EDDM3A: variants seen among roughly 807,000 people sequenced by gnomAD.
EDDM3A encodes the protein epididymal secretory protein E3-alpha.
For synonymous variants in EDDM3A, 75 were observed against 60.4 expected, an observed-to-expected ratio of 1.24 and a Z score of -1.12; for missense variants, 199 against 177.4, an observed-to-expected ratio of 1.12 and a Z score of -0.69.
chr14:20,747,591 C>T lies in EDDM3A; in HGVS notation c.11C>T (p.Ser4Phe), dbSNP rs1181608792. The T allele has an allele frequency of 1.2e-6, 2 of 1,602,866 alleles. No individual in the cohort carries two copies. The highest frequency in any genetic ancestry group is 1.3e-5 in the African/African-American group (1 of 74,406). MTS[S>F]LKIWGILLAL... Reference sequence around the variant, plus strand: ...GACGTGGTGACTGAGATGACATCCTCTCTAAAGATTTGGGGCATACTCTTG... The same window carrying T: ...GACGTGGTGACTGAGATGACATCCTTTCTAAAGATTTGGGGCATACTCTTG... The change falls in exon 2 of 2, where the codon TCT becomes TTT. Residue 4 changes from serine (S) to phenylalanine (F), a missense_variant. Ser to Phe is a radical substitution (Grantham distance 155). Transcript: ENST00000326842.
chr14:20,741,107 T>C (rs1877423595), upstream of EDDM3A, among the ~76,000 whole-genome samples: 1 of 152,192 alleles, frequency 6.6e-6, no homozygotes, highest in South Asian at 2.1e-4. Context: ...CTATATCCCA[T>C]AATCCTACCT....
the EDDM3A span, among the ~76,000 whole-genome samples, chr14:20,738,013 C>T: frequency 2.0e-4 from 30 of 152,268 alleles, no homozygotes; most frequent in South Asian, 6.2e-4. Flanking sequence ...GAGGTGACTG[C>T]GCACTTTTTT....
upstream of EDDM3A, among the ~76,000 whole-genome samples, chr14:20,743,940 A>ATTTT (rs72521754): frequency 1.3e-5 from 2 of 151,656 alleles, no homozygotes; most frequent in African/African-American, 4.8e-5. Flanking sequence ...GGAGTCCATG[A>ATTTT]TTTTTTTTCC....
At chr14:20,747,220 C>T (rs967761908) in intron 1 of EDDM3A, among the ~76,000 whole-genome samples, 2 of 151,394 alleles carry the variant, frequency 1.3e-5, no homozygotes, top group Admixed American at 6.6e-5. Context: ...TCTCCTGCCT[C>T]AGCCTCTCGA....
rs1360515545 is a variant in EDDM3A at position 20,748,293 on chromosome 14, C to A, written c.*269C>A. The A allele has an allele frequency of 3.0e-6, 1 of 333,814 alleles. No homozygotes were observed. Among genetic ancestry groups the A allele is most frequent in the Non-Finnish European group, 5.7e-6 (1 of 174,356 alleles). The allele number at this position is 333,814 out of a possible 1,614,324, so 20.7% of individuals were successfully genotyped here. A position where few individuals can be genotyped will look rare whatever the true frequency, so the allele number is the denominator to read the frequency against. ...CATATGGCATCTGTCCTCGACTAACCTAAGACTTTCCTGATATTGACTCTC... is the reference window on the plus strand; with the variant it reads ...CATATGGCATCTGTCCTCGACTAACATAAGACTTTCCTGATATTGACTCTC... On this transcript the variant is annotated 3_prime_UTR_variant, in exon 2 of 2. Coordinates refer to ENST00000326842, the MANE Select transcript of EDDM3A (RefSeq NM_006683.5).
upstream of EDDM3A, among the ~76,000 whole-genome samples, chr14:20,745,070 C>CA (rs1049788602): frequency 2.0e-5 from 3 of 151,890 alleles, no homozygotes; most frequent in African/African-American, 7.3e-5. Flanking sequence ...AAAATTAATA[C>CA]AAAAAACTAG....
At position 20,747,794 on chromosome 14, in the gene EDDM3A, T is replaced by C. The variant is rs779828528; in HGVS notation, c.214T>C (p.Leu72=). The change falls in exon 2 of 2, where the codon TTA becomes CTA. Residue 72 remains leucine (L), a synonymous_variant. Coordinates refer to ENST00000326842, the MANE Select transcript of EDDM3A (RefSeq NM_006683.5). ...GKSFHMFIYS[L]WFKIQRACIN... ...GAGCTTTCATATGTTCATCTATAGCTTATGGTTCAAAATTCAGCGTGCATG... is the reference window on the plus strand; with the variant it reads ...GAGCTTTCATATGTTCATCTATAGCCTATGGTTCAAAATTCAGCGTGCATG... 1 of 1,614,042 alleles carries C rather than the reference T, an allele frequency of 6.2e-7. No homozygotes were observed. Among genetic ancestry groups the C allele is most frequent in the Non-Finnish European group, 8.5e-7 (1 of 1,180,034 alleles).
At chr14:20,743,996 C>T (rs543328709), upstream of EDDM3A, among the ~76,000 whole-genome samples, 10 of 152,208 alleles carry the variant, frequency 6.6e-5, no homozygotes, top group African/African-American at 2.2e-4. Context: ...CTGGCTCATA[C>T]ATTGGCTCAG....
chr14:20,741,662 A>G (rs1051184827), upstream of EDDM3A, among the ~76,000 whole-genome samples: 1 of 152,168 alleles, frequency 6.6e-6, no homozygotes, highest in Non-Finnish European at 1.5e-5. Flanking sequence ...TAATGGGAAA[A>G]TCAATTTCCA....
chr14:20,744,303 C>T (rs1354285545), upstream of EDDM3A, among the ~76,000 whole-genome samples: 1 of 152,200 alleles, frequency 6.6e-6, no homozygotes, highest in Non-Finnish European at 1.5e-5. Flanking sequence ...TCAAGGACTG[C>T]TTCACAGGAG....
chr14:20,737,648 A>C, the EDDM3A span, among the ~76,000 whole-genome samples: 2 of 152,206 alleles, frequency 1.3e-5, no homozygotes, highest in African/African-American at 4.8e-5. Context: ...ATCTGATAAT[A>C]ATCATGTTCG....
chr14:20,739,018 A>G, the EDDM3A span, among the ~76,000 whole-genome samples: 1 of 152,190 alleles, frequency 6.6e-6, no homozygotes, highest in Non-Finnish European at 1.5e-5. Context: ...TTACCCTTAC[A>G]AAAGGCCAAT....
At chr14:20,736,674 T>C in the EDDM3A span, among the ~76,000 whole-genome samples, 1 of 152,230 alleles carries the variant, frequency 6.6e-6, no homozygotes, top group African/African-American at 2.4e-5. Flanking sequence ...CAACCATTTC[T>C]GTCCCTGACT....
At chr14:20,746,653 G>T (rs1042593451) in intron 1 of EDDM3A, among the ~76,000 whole-genome samples, 30 of 152,288 alleles carry the variant, frequency 2.0e-4, no homozygotes, top group African/African-American at 7.0e-4. Flanking sequence ...TTAGGGAAAT[G>T]GCCTCTGAGA....
Sources: gnomAD v4.1 joint callset for allele counts (sites outside exome capture counted in the v4.1 genomes callset) on GRCh38, gnomAD v4.1.1 for gene constraint, MANE v1.5 for transcripts, NCBI Gene and HGNC (gene_info 2026-07-23, HGNC 2026-07-21) for gene names.